The following INVS variants were observed in gnomAD, a reference collection of about 807,000 sequenced individuals.
INVS encodes the protein inversion of embryo turning homolog.
INVS carries 86 observed loss-of-function variants against 108.8 expected under a neutral mutation model. That is an observed-to-expected ratio of 0.79 (90% CI 0.66 to 0.95). INVS has a LOEUF of 0.95. Among genes scored for constraint, INVS ranks in the 40% least tolerant of loss-of-function variants. INVS has a pLI of 0.00. For synonymous variants in INVS, 455 were observed against 473.5 expected (o/e 0.96, Z 0.51); for missense variants, 1,169 against 1,297.4 (o/e 0.90, Z 1.52).
intron 3 of INVS, among the ~76,000 whole-genome samples, chr9:100,193,786 A>C (rs911766404): frequency 6.6e-6 from 1 of 152,156 alleles, no homozygotes; most frequent in Non-Finnish European, 1.5e-5. Context: ...ATATATTATC[A>C]TTGTTCAGTA....
chr9:100,162,540 A>T (rs1336385570), intron 3 of INVS, among the ~76,000 whole-genome samples: 1 of 152,210 alleles, frequency 6.6e-6, no homozygotes, highest in Non-Finnish European at 1.5e-5. Context: ...GAAAAATCAA[A>T]TACCCGTATC....
At chr9:100,112,718 T>C (rs1312156898) in intron 2 of INVS, among the ~76,000 whole-genome samples, 1 of 151,316 alleles carries the variant, frequency 6.6e-6, no homozygotes, top group Non-Finnish European at 1.5e-5. Flanking sequence ...TAAGAAAAAT[T>C]ATAAATTTGT....
At chr9:100,238,593 C>G (rs1831764604) in intron 5 of INVS, among the ~76,000 whole-genome samples, 1 of 152,086 alleles carries the variant, frequency 6.6e-6, no homozygotes, top group Non-Finnish European at 1.5e-5. Context: ...GGCTTTTTAT[C>G]TAATCCTCCA....
At position 100,192,364 on chromosome 9, in the gene INVS, A is replaced by T. The variant is rs532900914; in HGVS notation, c.274-33698A>T. On this transcript the variant is annotated intron_variant, in intron 3 of 16. Transcript: ENST00000262457. The stretch of plus-strand genomic sequence containing the variant: ...TTTTGAGATTTATCCATATTGTTGC[A>T]CATATCATAGCTTATTCTTTCTCTG... Among the ~76,000 whole-genome samples, 4 of 152,130 alleles carry T rather than the reference A, an allele frequency of 2.6e-5. No homozygotes were observed. The South Asian group carries it at 6.2e-4, about 24-fold the overall frequency.
intron 2 of INVS, among the ~76,000 whole-genome samples, chr9:100,108,879 G>A (rs1347566442): frequency 1.3e-5 from 2 of 152,204 alleles, no homozygotes; most frequent in South Asian, 2.1e-4. Flanking sequence ...AATTCTTAGT[G>A]TTTAACCTAA....
chr9:100,208,393 A>T (rs1272547251), intron 3 of INVS, among the ~76,000 whole-genome samples: 2 of 152,194 alleles, frequency 1.3e-5, no homozygotes, highest in African/African-American at 4.8e-5. Flanking sequence ...AATGAGGTTC[A>T]TTAAAGGTTT....
chr9:100,250,875 T>A (rs567032725), intron 8 of INVS, among the ~76,000 whole-genome samples: 37 of 152,232 alleles, frequency 2.4e-4, no homozygotes, highest in Non-Finnish European at 3.5e-4. Context: ...GGACCATTTG[T>A]GATCTGGCCT....
At chr9:100,177,267 C>T (rs1036702055) in intron 3 of INVS, among the ~76,000 whole-genome samples, 15 of 152,098 alleles carry the variant, frequency 9.9e-5, no homozygotes, top group African/African-American at 2.4e-4. Flanking sequence ...GGAATGTCAG[C>T]GAGAGAGCAC....
chr9:100,243,155 G>A (rs1294665824), intron 7 of INVS, among the ~76,000 whole-genome samples: 1 of 151,968 alleles, frequency 6.6e-6, no homozygotes, highest in Non-Finnish European at 1.5e-5. Flanking sequence ...TACTTTTATA[G>A]CACTAAGAAC....
chr9:100,176,035 C>A, intron 3 of INVS: 1 of 525,858 alleles, frequency 1.9e-6, no homozygotes, highest in African/African-American at 1.9e-5. Flanking sequence ...ATTCCAAGAA[C>A]ATGCAGCCTG....
At chr9:100,273,527 CTTTTTTTTTTTTTTT>C (rs58458085) in intron 12 of INVS, among the ~76,000 whole-genome samples, 46,770 of 97,342 alleles carry the variant, frequency 0.48, 8,747 homozygotes, top group Middle Eastern at 0.53. Flanking sequence ...CCACTCAGTT[CTTTTTTTTTTTTTTT>C]TTTTTTTTTT....
chr9:100,119,477 G>A (rs1253710176), intron 2 of INVS, among the ~76,000 whole-genome samples: 2 of 152,204 alleles, frequency 1.3e-5, no homozygotes, highest in Non-Finnish European at 1.5e-5. Flanking sequence ...TTTGCTCGTG[G>A]TGTCACAAGA....
chr9:100,297,131 C>G lies in INVS; in HGVS notation c.3001C>G (p.Leu1001Val). Residue 1001 changes from leucine (L) to valine (V), a missense_variant, in exon 15 of 17, where the codon CTT (leucine) becomes GTT (valine). By Grantham distance (32) the Leu-to-Val change is conservative. This residue lies in a region of INVS where 533 missense variants were observed against 536.0 expected (regional missense o/e 0.99). Transcript: ENST00000262457. ...SGTKSTKHSV[L>V]KQIYGCSHEG... ...CACAAAGTCCACCAAGCACTCAGTGCTTAAGCAAATCTATGGTAACTGTCC... is the reference window on the plus strand; with the variant it reads ...CACAAAGTCCACCAAGCACTCAGTGGTTAAGCAAATCTATGGTAACTGTCC... 6.2e-7 allele frequency: 1 copy of G among 1,613,908 alleles called. No homozygotes were observed. Among genetic ancestry groups the G allele is most frequent in the Non-Finnish European group, 8.5e-7 (1 of 1,179,848 alleles).
chr9:100,213,849 A>G (rs1251332439), intron 3 of INVS, among the ~76,000 whole-genome samples: 1 of 152,178 alleles, frequency 6.6e-6, no homozygotes, highest in Non-Finnish European at 1.5e-5. Context: ...TCATCTCTCC[A>G]GTTGCTTGTT....
intron 12 of INVS, among the ~76,000 whole-genome samples, chr9:100,275,089 CTA>C (rs1307874998): frequency 2.6e-5 from 4 of 152,158 alleles, no homozygotes; most frequent in Admixed American, 6.5e-5. Context: ...CGAGGAAATA[CTA>C]TGTTGTACTC....
chr9:100,229,667 C>T lies in INVS; in HGVS notation c.455C>T (p.Ala152Val). 1 of 1,613,920 alleles carries T rather than the reference C, an allele frequency of 6.2e-7. No individual in the cohort carries two copies. Among genetic ancestry groups the T allele is most frequent in the Non-Finnish European group, 8.5e-7 (1 of 1,179,870 alleles). ...AACCTCTCGATTTTGCAGCAAACAGCTCTGCATTGGAGTGCCTACTACAAT... is the reference window on the plus strand; with the variant it reads ...AACCTCTCGATTTTGCAGCAAACAGTTCTGCATTGGAGTGCCTACTACAAT... ...VDTQDKNKQT[A>V]LHWSAYYNNP... Residue 152 changes from alanine (A) to valine (V), a missense_variant, in exon 5 of 17, where the codon GCT becomes GTT. By Grantham distance (64) the Ala-to-Val change is moderately conservative (BLOSUM62 0). Transcript: ENST00000262457.
chr9:100,246,042 A>G (rs186136540), intron 7 of INVS, among the ~76,000 whole-genome samples: 10 of 152,088 alleles, frequency 6.6e-5, no homozygotes, highest in Admixed American at 2.6e-4. Context: ...ACACTCAGCT[A>G]CTTGGGAGGC....
chr9:100,230,267 CCT>C (rs10570089), intron 5 of INVS, among the ~76,000 whole-genome samples: 26,871 of 152,018 alleles, frequency 0.18, 3,594 homozygotes, highest in African/African-American at 0.38. Context: ...CCTTTGAAGT[CCT>C]CTGAGTGGAG....
chr9:100,153,843 A>C (rs1828882911), intron 3 of INVS, among the ~76,000 whole-genome samples: 1 of 152,208 alleles, frequency 6.6e-6, no homozygotes, highest in Non-Finnish European at 1.5e-5. Flanking sequence ...CTCCCATGAA[A>C]ACAGCAGTAA....
Sources: gnomAD v4.1 joint callset for allele counts (sites outside exome capture counted in the v4.1 genomes callset) on GRCh38, gnomAD v4.1.1 for gene constraint, gnomAD v4.1.1 regional missense constraint, MANE v1.5 for transcripts, NCBI Gene and HGNC (gene_info 2026-07-23, HGNC 2026-07-21) for gene names.